GRIP1: variants seen among roughly 807,000 people sequenced by gnomAD.
GRIP1 encodes glutamate receptor interacting protein 1, also known as glutamate receptor-interacting protein 1.
In GRIP1, 45 loss-of-function variants were observed where a neutral mutation model predicts 129.9. That is an observed-to-expected ratio of 0.35 (90% CI 0.27 to 0.44). The LOEUF (loss-of-function observed/expected upper bound fraction) is 0.44, where lower values mean the gene tolerates loss of function less well. Ranked by LOEUF, GRIP1 falls within the 20% of genes least tolerant of loss-of-function variation. The probability of loss-of-function intolerance (pLI) is 1.00; values close to 1 mark genes in which losing one functional copy is unlikely to be tolerated. For synonymous variants in GRIP1, 530 were observed against 520.8 expected (o/e 1.02, Z -0.24); for missense variants, 1,196 against 1,396.8 (o/e 0.86, Z 2.29).
In GRIP1 at chr12:66,965,596, T is replaced by A. The variant is rs28667380; in HGVS notation, c.58+103454A>T. ...GTGTGTGTGTGTGTGTGTGTGTGTG[T>A]GAGATATTATTACTAAAATGGGACT... On this transcript the variant is annotated intron_variant, in intron 1 of 1. Transcript: ENST00000643019. Among the ~76,000 whole-genome samples, 1,315 of 146,812 alleles carry A rather than the reference T, an allele frequency of 9.0e-3. 22 individuals are homozygous for A. The highest frequency in any genetic ancestry group is 0.031 in the African/African-American group (1,228 of 39,352).
intron 1 of GRIP1, among the ~76,000 whole-genome samples, chr12:66,767,750 T>C (rs902869703): frequency 5.3e-5 from 8 of 152,166 alleles, no homozygotes; most frequent in African/African-American, 1.9e-4. Flanking sequence ...TGTAGGACCC[T>C]GCCACGATGC....
chr12:66,464,502 A>G (rs917166310), intron 8 of GRIP1, among the ~76,000 whole-genome samples: 2 of 152,186 alleles, frequency 1.3e-5, no homozygotes, highest in African/African-American at 2.4e-5. Flanking sequence ...TGTTTTATTT[A>G]TTTAAGAAAC....
chr12:66,474,683 TAAAGA>T (rs200595223), intron 7 of GRIP1, among the ~76,000 whole-genome samples: 8,589 of 152,144 alleles, frequency 0.056, 610 homozygotes, highest in African/African-American at 0.16. Flanking sequence ...TCAACATTCT[TAAAGA>T]AAAGAATTTT....
At chr12:66,867,499 C>A (rs144765568) in intron 1 of GRIP1, among the ~76,000 whole-genome samples, 1 of 152,050 alleles carries the variant, frequency 6.6e-6, no homozygotes, top group Non-Finnish European at 1.5e-5. Flanking sequence ...AAGGGTCCTA[C>A]GAAAGATTTC....
At chr12:66,612,480 G>A (rs2064847759) in intron 1 of GRIP1, among the ~76,000 whole-genome samples, 1 of 151,856 alleles carries the variant, frequency 6.6e-6, no homozygotes, top group East Asian at 1.9e-4. Context: ...GTAACATAGG[G>A]GGACCCTGAG....
At chr12:66,606,228 T>G (rs748713652) in intron 1 of GRIP1, among the ~76,000 whole-genome samples, 1 of 152,202 alleles carries the variant, frequency 6.6e-6, no homozygotes, top group Non-Finnish European at 1.5e-5. Flanking sequence ...GAAAATGGAT[T>G]AAGTCAGAAC....
At chr12:66,511,889 C>A (rs1021852048) in intron 7 of GRIP1, among the ~76,000 whole-genome samples, 1 of 152,018 alleles carries the variant, frequency 6.6e-6, no homozygotes, top group African/African-American at 2.4e-5. Context: ...GTGTTCCTAC[C>A]CAAATCTCCT....
At chr12:66,537,514 T>A (rs2061640532) in intron 4 of GRIP1, among the ~76,000 whole-genome samples, 1 of 84,976 alleles carries the variant, frequency 1.2e-5, no homozygotes, top group Admixed American at 1.2e-4. Context: ...CAGAAATGGA[T>A]ATATCATATA....
At chr12:66,454,407 CATAA>C (rs1334006132) in intron 11 of GRIP1, among the ~76,000 whole-genome samples, 2 of 152,172 alleles carry the variant, frequency 1.3e-5, no homozygotes, top group Non-Finnish European at 2.9e-5. Flanking sequence ...CTGTTTAAAT[CATAA>C]TCATGGCCAT....
chr12:66,654,083 G>T (rs2032986362), intron 1 of GRIP1, among the ~76,000 whole-genome samples: 1 of 152,148 alleles, frequency 6.6e-6, no homozygotes, highest in Non-Finnish European at 1.5e-5. Context: ...ATTGATTGGG[G>T]TAGAGGGAAA....
chr12:66,733,051 G>C (rs943411326), intron 1 of GRIP1, among the ~76,000 whole-genome samples: 1 of 152,106 alleles, frequency 6.6e-6, no homozygotes, highest in Non-Finnish European at 1.5e-5. Context: ...ATGGGTTCTT[G>C]CTGTGTTGCC....
intron 1 of GRIP1, among the ~76,000 whole-genome samples, chr12:66,636,717 G>C (rs10878475): frequency 0.082 from 5,978 of 72,776 alleles, 238 homozygotes; most frequent in African/African-American, 0.23. Context: ...TTAGATCTCT[G>C]TGTGTGTGTG....
At chr12:66,871,389 A>G (rs1265759952) in intron 1 of GRIP1, among the ~76,000 whole-genome samples, 1 of 152,140 alleles carries the variant, frequency 6.6e-6, no homozygotes, top group African/African-American at 2.4e-5. Context: ...TGCATAAGAA[A>G]GAAGATTTAG....
At chr12:66,784,043 A>G (rs1279246714) in intron 1 of GRIP1, among the ~76,000 whole-genome samples, 16 of 152,200 alleles carry the variant, frequency 1.1e-4, no homozygotes. Context: ...CATAATTTTA[A>G]ACTTATATAA....
chr12:66,999,810 A>G, intron 1 of GRIP1, among the ~76,000 whole-genome samples: 1 of 152,122 alleles, frequency 6.6e-6, no homozygotes, highest in African/African-American at 2.4e-5. Context: ...CTTTTTGTTA[A>G]TCCTTGGTCA....
chr12:66,833,683 A>T (rs901254361), intron 1 of GRIP1, among the ~76,000 whole-genome samples: 5 of 152,188 alleles, frequency 3.3e-5, no homozygotes, highest in African/African-American at 1.2e-4. Flanking sequence ...GTCATCATTA[A>T]TATTGGAATT....
At chr12:66,356,541 A>T (rs1161712915) in intron 23 of GRIP1, among the ~76,000 whole-genome samples, 1 of 152,202 alleles carries the variant, frequency 6.6e-6, no homozygotes, top group Non-Finnish European at 1.5e-5. Flanking sequence ...CTGGAAGAAA[A>T]TATTCTTGGT....
intron 1 of GRIP1, among the ~76,000 whole-genome samples, chr12:66,834,593 T>C (rs896725711): frequency 6.6e-5 from 10 of 152,356 alleles, no homozygotes; most frequent in South Asian, 4.1e-4. Flanking sequence ...CATTTTCGTA[T>C]GTATTTCCAT....
At chr12:66,406,071 A>G (rs1348977206) in intron 16 of GRIP1, among the ~76,000 whole-genome samples, 1 of 152,256 alleles carries the variant, frequency 6.6e-6, no homozygotes, top group Non-Finnish European at 1.5e-5. Context: ...TATGTTTTCT[A>G]TAATGAAAAT....
Sources: gnomAD v4.1 joint callset for allele counts (sites outside exome capture counted in the v4.1 genomes callset) on GRCh38, gnomAD v4.1.1 for gene constraint, MANE v1.5 for transcripts, NCBI Gene and HGNC (gene_info 2026-07-23, HGNC 2026-07-21) for gene names.